RAPGEF2: variants seen among roughly 807,000 people sequenced by gnomAD.
RAPGEF2 encodes Rap guanine nucleotide exchange factor 2, also known as PDZ domain containing guanine nucleotide exchange factor (GEF) 1.
Under a neutral mutation model 186.7 loss-of-function variants are expected in RAPGEF2, and 54 were observed. That is an observed-to-expected ratio of 0.29 (90% confidence interval 0.23 to 0.36). RAPGEF2 has a LOEUF of 0.36. Ranked by LOEUF, RAPGEF2 falls within the 10% of genes least tolerant of loss-of-function variation. The probability of loss-of-function intolerance (pLI) is 1.00; values close to 1 mark genes in which losing one functional copy is unlikely to be tolerated. For missense variants in RAPGEF2, 1,532 were observed against 2,045.0 expected (o/e 0.75, Z 4.84); for synonymous variants, 712 against 705.9 (o/e 1.01, Z -0.14).
chr4:159,148,297 A>C (rs775699322), intron 1 of RAPGEF2, among the ~76,000 whole-genome samples: 2 of 152,208 alleles, frequency 1.3e-5, no homozygotes, highest in Non-Finnish European at 2.9e-5. Flanking sequence ...TTATCTTTAA[A>C]GTATAGACAG....
chr4:159,238,483 T>C (rs914800628), intron 4 of RAPGEF2, among the ~76,000 whole-genome samples: 1 of 152,168 alleles, frequency 6.6e-6, no homozygotes, highest in African/African-American at 2.4e-5. Context: ...CCATCCCTAC[T>C]GGAATATTCT....
chr4:159,176,230 C>T (rs1264206778), intron 1 of RAPGEF2, among the ~76,000 whole-genome samples: 1 of 152,108 alleles, frequency 6.6e-6, no homozygotes, highest in Non-Finnish European at 1.5e-5. Flanking sequence ...GGTTTCATTC[C>T]AGTGTGGGGA....
intron 11 of RAPGEF2, among the ~76,000 whole-genome samples, chr4:159,326,089 T>C (rs2111175696): frequency 6.6e-6 from 1 of 152,316 alleles, no homozygotes; most frequent in South Asian, 2.1e-4. Context: ...GTTCTTGTAC[T>C]TCCATTGACT....
chr4:159,276,715 GA>G (rs1758927714), intron 7 of RAPGEF2, among the ~76,000 whole-genome samples: 1 of 152,022 alleles, frequency 6.6e-6, no homozygotes, highest in Non-Finnish European at 1.5e-5. Flanking sequence ...CATATTCCCA[GA>G]TTTCTTTACC....
At chr4:159,168,972 T>C (rs181005783) in intron 1 of RAPGEF2, among the ~76,000 whole-genome samples, 7 of 152,358 alleles carry the variant, frequency 4.6e-5, no homozygotes, top group African/African-American at 1.7e-4. Flanking sequence ...ATTGAATTTC[T>C]ATCTTGCATT....
rs1321770012 is a variant in RAPGEF2 at position 159,358,480 on chromosome 4, C to T, written c.*341C>T. The T allele has an allele frequency of 2.1e-5, 6 of 285,724 alleles. No homozygotes were observed. Among genetic ancestry groups the T allele is most frequent in the Non-Finnish European group, 3.9e-5 (6 of 155,490 alleles). The allele number at this position is 285,724 out of a possible 1,614,324, so 17.7% of individuals were successfully genotyped here. ...GATGATTCACTCTGGCTGCACTTCTCAATGCCTGGAAGGATTTTTTTTAAT... is the reference window on the plus strand; with the variant it reads ...GATGATTCACTCTGGCTGCACTTCTTAATGCCTGGAAGGATTTTTTTTAAT... On this transcript the variant is annotated 3_prime_UTR_variant, in exon 30 of 30. Transcript: ENST00000691494.
intron 26 of RAPGEF2, among the ~76,000 whole-genome samples, chr4:159,351,679 A>G (rs1265555498): frequency 1.3e-5 from 2 of 152,228 alleles, no homozygotes; most frequent in Non-Finnish European, 2.9e-5. Context: ...GCAGTGGCTT[A>G]CGCCTGTAAT....
At chr4:159,214,322 TAAG>T (rs1054975788) in intron 4 of RAPGEF2, among the ~76,000 whole-genome samples, 27 of 152,326 alleles carry the variant, frequency 1.8e-4, no homozygotes, top group African/African-American at 5.8e-4. Flanking sequence ...CAGAGGGTAG[TAAG>T]AAGAAGGAGT....
rs202214904 is a variant in RAPGEF2 at position 159,353,663 on chromosome 4, C to A, written c.4268C>A (p.Thr1423Lys). Reference protein sequence around the residue: ...CSSGSHDNIQTIQHQRSWETL... With the variant: ...CSSGSHDNIQKIQHQRSWETL... Reference sequence around the variant, plus strand: ...AGTGGCTCCCATGATAATATACAGACGATCCAGCACCAGAGAAGCTGGGAG... The same window carrying A: ...AGTGGCTCCCATGATAATATACAGAAGATCCAGCACCAGAGAAGCTGGGAG... Residue 1423 changes from threonine to lysine, a missense_variant, in exon 28 of 30, where the codon ACG becomes AAG. This residue lies in a region of RAPGEF2 where 594 missense variants were observed against 608.5 expected (regional missense o/e 0.98). Transcript: ENST00000691494. This position sits in a 1 kb window ranked among gnomAD's most constrained non-coding sequence, Gnocchi z 4.3. The A allele has an allele frequency of 5.0e-6, 8 of 1,585,820 alleles. No individual in the cohort carries two copies. The highest frequency in any genetic ancestry group is 6.9e-6 in the Non-Finnish European group (8 of 1,167,524).
At chr4:159,165,580 C>T (rs1359396419) in intron 1 of RAPGEF2, among the ~76,000 whole-genome samples, 1 of 152,072 alleles carries the variant, frequency 6.6e-6, no homozygotes, top group African/African-American at 2.4e-5. Context: ...TTCATTTTAG[C>T]ATGTTGGATA....
intron 1 of RAPGEF2, among the ~76,000 whole-genome samples, chr4:159,180,647 A>T (rs942428491): frequency 4.6e-5 from 7 of 152,240 alleles, no homozygotes; most frequent in Non-Finnish European, 7.3e-5. Context: ...CTGGTTTGAT[A>T]TATAAAATAC....
At chr4:159,215,969 T>C (rs1283847222) in intron 4 of RAPGEF2, among the ~76,000 whole-genome samples, 1 of 152,180 alleles carries the variant, frequency 6.6e-6, no homozygotes, top group East Asian at 1.9e-4. Context: ...GTAGGCAAAA[T>C]AATCTATACT....
intron 1 of RAPGEF2, among the ~76,000 whole-genome samples, chr4:159,138,741 GT>G (rs1742002257): frequency 6.6e-6 from 1 of 152,158 alleles, no homozygotes; most frequent in African/African-American, 2.4e-5. Context: ...TAGGAAATGT[GT>G]AATAATCTTA....
chr4:159,320,363 T>G (rs1765092513), intron 9 of RAPGEF2, among the ~76,000 whole-genome samples: 1 of 152,136 alleles, frequency 6.6e-6, no homozygotes, highest in Non-Finnish European at 1.5e-5. Context: ...TAAATACATT[T>G]TATGGTACAG....
chr4:159,243,244 A>G (rs1561134626), intron 6 of RAPGEF2, among the ~76,000 whole-genome samples: 1 of 151,838 alleles, frequency 6.6e-6, no homozygotes, highest in East Asian at 1.9e-4. Context: ...CTAATGTGTG[A>G]CATGTGGTAT....
chr4:159,134,548 T>G (rs1741478438), intron 1 of RAPGEF2, among the ~76,000 whole-genome samples: 1 of 152,206 alleles, frequency 6.6e-6, no homozygotes, highest in African/African-American at 2.4e-5. Flanking sequence ...TTTGAAAAAC[T>G]AACAAACTCC....
chr4:159,317,806 T>C (rs1302687788), intron 9 of RAPGEF2, among the ~76,000 whole-genome samples: 2 of 148,896 alleles, frequency 1.3e-5, no homozygotes, highest in East Asian at 3.9e-4. Context: ...ATAGGTGCTT[T>C]AAAAAAAAAA....
Position 159,355,896 on chromosome 4 carries a change from CGGCTACATTGGAATT to C in RAPGEF2, c.4696_4710del (p.Gly1566_Ile1570del). 1 of 1,555,910 alleles carries C rather than the reference CGGCTACATTGGAATT, an allele frequency of 6.4e-7. No individual in the cohort carries two copies. The highest frequency in any genetic ancestry group is 8.7e-7 in the Non-Finnish European group (1 of 1,149,416). ...ATCGAGAGCCCCCGCCCACCCCTCC[CGGCTACATTGGAATT>C]CCCATTACTGACTTTCCAGAAGGGC... is the stretch of plus-strand genomic sequence containing the variant. On this transcript the variant is annotated inframe_deletion, in exon 29 of 30. Transcript: ENST00000691494.
At chr4:159,150,430 A>G (rs1743419243) in intron 1 of RAPGEF2, among the ~76,000 whole-genome samples, 2 of 152,194 alleles carry the variant, frequency 1.3e-5, no homozygotes, top group Admixed American at 1.3e-4. Context: ...TGTATCGAAC[A>G]CACATATTTT....
Sources: gnomAD v4.1 joint callset for allele counts (sites outside exome capture counted in the v4.1 genomes callset) on GRCh38, gnomAD v4.1.1 for gene constraint, gnomAD v4.1.1 regional missense constraint, Gnocchi (gnomAD v3.1) non-coding constraint, MANE v1.5 for transcripts, NCBI Gene and HGNC (gene_info 2026-07-23, HGNC 2026-07-21) for gene names.